The following TVP23A variants were observed in gnomAD, a reference collection of about 807,000 sequenced individuals.
The protein encoded by TVP23A is Golgi apparatus membrane protein TVP23 homolog A.
In TVP23A, 21 loss-of-function variants were observed where a neutral mutation model predicts 31.7. The observed-to-expected ratio is 0.66, with a 90% CI of 0.47 to 0.95. The LOEUF (loss-of-function observed/expected upper bound fraction) is 0.95. Ranked by LOEUF, TVP23A falls within the 40% of genes least tolerant of loss-of-function variation. The pLI is 0.00. For synonymous variants in TVP23A, 104 were observed against 96.0 expected, an observed-to-expected ratio of 1.08 and a Z score of -0.49; for missense variants, 279 against 255.6, an observed-to-expected ratio of 1.09 and a Z score of -0.62.
Position 10,767,157 on chromosome 16 carries a change from G to A in TVP23A, c.*1945C>T, listed in dbSNP as rs2031004583. 1.0e-5 allele frequency: 4 copies of A among 399,268 alleles called. No homozygotes were observed. The highest frequency in any genetic ancestry group is 1.3e-5 in the Non-Finnish European group (3 of 226,708). 24.7% of individuals were successfully genotyped at this position (399,268 alleles called of 1,614,324 possible). On this transcript the variant is annotated 3_prime_UTR_variant, in exon 8 of 8. Transcript: ENST00000299866. This position sits in a 1 kb window ranked among gnomAD's most constrained non-coding sequence, Gnocchi z 4.6. ...CCTGTTTCGCCAGCAGCTCAGGCCTGGGGAGTGGGCAGAGCAAGCTGATGG... is the reference window on the plus strand; with the variant it reads ...CCTGTTTCGCCAGCAGCTCAGGCCTAGGGAGTGGGCAGAGCAAGCTGATGG...
rs147745383 is a variant in TVP23A at position 10,799,665 on chromosome 16, G to A, written c.89+18438C>T. ...AGAATTTTAACTCTGCATAAGGTAT[G>A]TTGTTGTGTTAGGTGGTTTCAAGGG... On this transcript the variant is annotated intron_variant, in intron 2 of 7. Transcript: ENST00000299866. Among the ~76,000 whole-genome samples, 318 of 152,198 alleles carry A rather than the reference G, an allele frequency of 2.1e-3. 5 individuals carry two copies. Among genetic ancestry groups the A allele is most frequent in the Admixed American group, 0.019 (291 of 15,286 alleles).
chr16:10,817,170 C>A (rs938288924), intron 2 of TVP23A, among the ~76,000 whole-genome samples: 1 of 152,216 alleles, frequency 6.6e-6, no homozygotes, highest in African/African-American at 2.4e-5. Flanking sequence ...GGACTTCTGG[C>A]CTCCAGAACT....
chr16:10,778,777 C>T (rs954695572), intron 2 of TVP23A, among the ~76,000 whole-genome samples: 6 of 152,076 alleles, frequency 3.9e-5, no homozygotes, highest in African/African-American at 1.4e-4. Flanking sequence ...ACCAGCCTGG[C>T]CAACATGGTG....
chr16:10,758,543 G>C (rs1056603148), downstream of TVP23A, among the ~76,000 whole-genome samples: 4 of 151,470 alleles, frequency 2.6e-5, no homozygotes, highest in African/African-American at 9.7e-5. Context: ...CAACGATTTG[G>C]TTTTTTTTTA....
chr16:10,759,725 G>A (rs1384516615), downstream of TVP23A, among the ~76,000 whole-genome samples: 1 of 152,126 alleles, frequency 6.6e-6, no homozygotes, highest in East Asian at 1.9e-4. This position sits in a 1 kb window ranked among gnomAD's most constrained non-coding sequence, Gnocchi z 4.7. Context: ...GCAGTGAGCC[G>A]AGATCGCGCC....
Position 10,767,050 on chromosome 16 carries a change from A to G in TVP23A, c.*2052T>C. 2 of 398,726 alleles carry G rather than the reference A, an allele frequency of 5.0e-6. No homozygotes were observed. Among genetic ancestry groups the G allele is most frequent in the Non-Finnish European group, 8.8e-6 (2 of 226,128 alleles). The allele number at this position is 398,726 out of a possible 1,614,324, so 24.7% of individuals were successfully genotyped here. A position where few individuals can be genotyped will look rare whatever the true frequency, so the allele number is the denominator to read the frequency against. ...ACAGGGCGACACAGTAGTGAAGTTG[A>G]GGAAATGATGAGTGCTAGGTAGGAA... On this transcript the variant is annotated 3_prime_UTR_variant, in exon 8 of 8. Transcript: ENST00000299866. The surrounding 1 kb of genome is among the most constrained non-coding windows in gnomAD (Gnocchi z 4.6).
chr16:10,805,032 T>C (rs1374284464), intron 2 of TVP23A, among the ~76,000 whole-genome samples: 1 of 152,034 alleles, frequency 6.6e-6, no homozygotes, highest in Non-Finnish European at 1.5e-5. Flanking sequence ...TTTAATGTAA[T>C]CTTTTCTTTT....
exon 9 of TVP23A, chr16:10,761,263 A>C: frequency 9.4e-7 from 1 of 1,067,034 alleles, no homozygotes; most frequent in Non-Finnish European, 1.4e-6. Context: ...CTAAGGCTTT[A>C]TGATCGCAGA....
chr16:10,766,982 C>T lies in TVP23A; in HGVS notation c.*2120G>A, dbSNP rs1176018115. On this transcript the variant is annotated 3_prime_UTR_variant, in exon 8 of 8. Coordinates refer to ENST00000299866, the MANE Select transcript of TVP23A (RefSeq NM_001079512.4). The surrounding 1 kb of genome is among the most constrained non-coding windows in gnomAD (Gnocchi z 4.8). ...TATGGGCTCCCCATCTCCCACCAACCCCTCCCCACAGGCTTCTTCCCCGAC... is the reference window on the plus strand; with the variant it reads ...TATGGGCTCCCCATCTCCCACCAACTCCTCCCCACAGGCTTCTTCCCCGAC... 1.5e-5 allele frequency: 6 copies of T among 398,730 alleles called. No homozygotes were observed. In the East Asian group the frequency reaches 2.1e-4, roughly 14 times the overall value. The allele number at this position is 398,730 out of a possible 1,614,324, so 24.7% of individuals were successfully genotyped here. A position where few individuals can be genotyped will look rare whatever the true frequency, so the allele number is the denominator to read the frequency against.
intron 2 of TVP23A, among the ~76,000 whole-genome samples, chr16:10,799,613 C>T (rs8051413): frequency 0.011 from 1,651 of 152,298 alleles, 32 homozygotes; most frequent in African/African-American, 0.038. Context: ...GAATTATAGG[C>T]GTGAGCCTAC....
Position 10,774,106 on chromosome 16 carries a change from A to G in TVP23A, c.257T>C (p.Val86Ala), listed in dbSNP as rs1406964929. Reference sequence around the variant, plus strand: ...TATCTGGTTCCACCATCGAAGGCCCACCAGGAGTCTTCCGGTTACATTCTG... The same window carrying G: ...TATCTGGTTCCACCATCGAAGGCCCGCCAGGAGTCTTCCGGTTACATTCTG... Reference protein sequence around the residue: ...SVKNVTGRLLVGLRWWNQIDE... With the variant: ...SVKNVTGRLLAGLRWWNQIDE... The change falls in exon 4 of 8, where the codon GTG becomes GCG. Residue 86 changes from valine (V) to alanine (A), a missense_variant. By Grantham distance (64) the Val-to-Ala change is moderately conservative. Transcript: ENST00000299866. 3.7e-6 allele frequency: 6 copies of G among 1,610,948 alleles called. No homozygotes were observed. The highest frequency in any genetic ancestry group is 5.1e-6 in the Non-Finnish European group (6 of 1,178,652).
chr16:10,811,296 T>C (rs1433949843), intron 2 of TVP23A, among the ~76,000 whole-genome samples: 4 of 152,148 alleles, frequency 2.6e-5, no homozygotes, highest in African/African-American at 7.2e-5. Context: ...TGAGACAGGA[T>C]CTTGCTCTGT....
At chr16:10,780,724 T>C (rs1484928000) in intron 2 of TVP23A, among the ~76,000 whole-genome samples, 1 of 152,088 alleles carries the variant, frequency 6.6e-6, no homozygotes, top group African/African-American at 2.4e-5. Context: ...ACTGAAAACA[T>C]CGGGTGAGGG....
At chr16:10,796,842 C>T (rs2142994450) in intron 2 of TVP23A, among the ~76,000 whole-genome samples, 1 of 152,224 alleles carries the variant, frequency 6.6e-6, no homozygotes, top group African/African-American at 2.4e-5. Flanking sequence ...AGTTATGAGA[C>T]AATCAAGGAT....
chr16:10,813,999 CA>C (rs201277067), intron 2 of TVP23A, among the ~76,000 whole-genome samples: 1,219 of 49,304 alleles, frequency 0.025, 1 homozygote, highest in Middle Eastern at 0.062. Context: ...AACTCCATCT[CA>C]AAAAAAAAAA....
intron 2 of TVP23A, among the ~76,000 whole-genome samples, chr16:10,791,056 C>T (rs1038320945): frequency 6.6e-6 from 1 of 152,098 alleles, no homozygotes; most frequent in African/African-American, 2.4e-5. Flanking sequence ...GGGGCTTAGA[C>T]TTTTATTTTT....
At chr16:10,805,648 G>T (rs530679023) in intron 2 of TVP23A, among the ~76,000 whole-genome samples, 1 of 150,996 alleles carries the variant, frequency 6.6e-6, no homozygotes, top group South Asian at 2.1e-4. Context: ...CTGAAGAAAG[G>T]CCCCTGGACG....
chr16:10,760,323 A>G (rs1406756805), downstream of TVP23A, among the ~76,000 whole-genome samples: 1 of 152,178 alleles, frequency 6.6e-6, no homozygotes, highest in Non-Finnish European at 1.5e-5. Flanking sequence ...GTTCCGGAGG[A>G]ACTTTATTTA....
intron 2 of TVP23A, among the ~76,000 whole-genome samples, chr16:10,809,363 G>A (rs181289254): frequency 1.6e-3 from 239 of 152,324 alleles, no homozygotes; most frequent in African/African-American, 5.5e-3. Context: ...GAGGCTCCAC[G>A]AGGACTGTTG....
Sources: allele counts gnomAD v4.1 joint callset (sites outside exome capture counted in the v4.1 genomes callset), GRCh38; gene constraint gnomAD v4.1.1; non-coding constraint Gnocchi (gnomAD v3.1); transcripts MANE v1.5; gene names NCBI Gene and HGNC (gene_info 2026-07-23, HGNC 2026-07-21).